Variants in GPR176 observed in about 807,000 individuals in gnomAD.
GPR176 encodes the protein G protein-coupled receptor 176.
In GPR176, 26 loss-of-function variants were observed where a neutral mutation model predicts 35.4. The observed-to-expected ratio is 0.74, with a 90% confidence interval of 0.54 to 1.02. GPR176 has a LOEUF of 1.02. GPR176 is among the 50% of genes least tolerant of loss of function. The pLI, the probability that GPR176 is intolerant of heterozygous loss-of-function variation, is 0.00. For missense variants in GPR176, 597 were observed against 665.3 expected (o/e 0.90, Z 1.13); for synonymous variants, 278 against 271.3 (o/e 1.02, Z -0.24).
intron 1 of GPR176, among the ~76,000 whole-genome samples, chr15:39,808,073 G>C (rs1459486790): frequency 2.0e-5 from 3 of 152,122 alleles, no homozygotes; most frequent in Non-Finnish European, 2.9e-5. Flanking sequence ...CTCTTACCAG[G>C]TTTTACAGAA....
intron 1 of GPR176, among the ~76,000 whole-genome samples, chr15:39,844,222 T>C (rs2030241007): frequency 1.3e-5 from 2 of 152,240 alleles, no homozygotes; most frequent in African/African-American, 4.8e-5. Flanking sequence ...GAATATTACA[T>C]GGGGTGCTTG....
chr15:39,877,649 C>T (rs952800939), intron 1 of GPR176, among the ~76,000 whole-genome samples: 2 of 151,864 alleles, frequency 1.3e-5, no homozygotes, highest in Middle Eastern at 3.4e-3. Flanking sequence ...CAACCTGCAC[C>T]TCCCGGGTGC....
chr15:39,842,391 C>T (rs1175261169), intron 1 of GPR176, among the ~76,000 whole-genome samples: 1 of 152,068 alleles, frequency 6.6e-6, no homozygotes, highest in Non-Finnish European at 1.5e-5. Flanking sequence ...CCATTAGAAA[C>T]CACCCCATGA....
chr15:39,832,688 C>CAA (rs1566944698), intron 1 of GPR176, among the ~76,000 whole-genome samples: 2 of 150,818 alleles, frequency 1.3e-5, no homozygotes, highest in African/African-American at 4.9e-5. Context: ...CACACACACA[C>CAA]AAATCTTATA....
intron 1 of GPR176, among the ~76,000 whole-genome samples, chr15:39,906,154 G>A (rs1046358637): frequency 6.6e-6 from 1 of 152,344 alleles, no homozygotes; most frequent in Middle Eastern, 3.4e-3. Context: ...TCTATCAGCG[G>A]AAGACCCTTT....
rs180836469 is a variant in GPR176, at chr15:39,804,385, A to C, written c.426-2131T>G. Among the ~76,000 whole-genome samples, 14 of 152,358 alleles carry C rather than the reference A, an allele frequency of 9.2e-5. No individual in the cohort carries two copies. The East Asian group carries it at 2.7e-3, about 29-fold the overall frequency. ...GTAATTTGCATCTGTGAATAACAAA[A>C]TAGGAATTCACCAGCCCTGTTTTCC... On this transcript the variant is annotated intron_variant, in intron 2 of 2. Coordinates refer to ENST00000561100, the MANE Select transcript of GPR176 (RefSeq NM_007223.3).
At chr15:39,834,302 C>T (rs1337544041) in intron 1 of GPR176, among the ~76,000 whole-genome samples, 1 of 152,096 alleles carries the variant, frequency 6.6e-6, no homozygotes, top group African/African-American at 2.4e-5. Context: ...ATATTATATT[C>T]CATGAAGATT....
intron 1 of GPR176, among the ~76,000 whole-genome samples, chr15:39,883,646 T>C (rs931601547): frequency 4.6e-5 from 7 of 152,188 alleles, no homozygotes; most frequent in African/African-American, 1.4e-4. Flanking sequence ...CTGCAGTTGC[T>C]AAAAGTCTGA....
intron 1 of GPR176, among the ~76,000 whole-genome samples, chr15:39,915,193 T>G (rs901799291): frequency 1.3e-5 from 2 of 152,176 alleles, no homozygotes; most frequent in African/African-American, 4.8e-5. Context: ...AGACATTTCT[T>G]TCAGTTCTAG....
At chr15:39,817,233 C>T (rs1899982133) in intron 1 of GPR176, among the ~76,000 whole-genome samples, 1 of 152,138 alleles carries the variant, frequency 6.6e-6, no homozygotes, top group Admixed American at 6.5e-5. Context: ...CACTAGAAAG[C>T]AGTGAAAGCA....
At chr15:39,915,127 A>G (rs563107963) in intron 1 of GPR176, among the ~76,000 whole-genome samples, 2 of 152,234 alleles carry the variant, frequency 1.3e-5, no homozygotes, top group Non-Finnish European at 2.9e-5. Flanking sequence ...TCATAAGTGT[A>G]TTAGTCTGCT....
At position 39,920,124 on chromosome 15, in the gene GPR176, G is replaced by T; in HGVS notation, c.-98C>A. ...GAGGAGGGACGCGCGGGCGCCTGGCGGAGTCCTGGAGAAGCCGGAGCAGCC... is the reference window on the plus strand; with the variant it reads ...GAGGAGGGACGCGCGGGCGCCTGGCTGAGTCCTGGAGAAGCCGGAGCAGCC... On this transcript the variant is annotated 5_prime_UTR_variant, in exon 1 of 3. Transcript: ENST00000561100. 1 of 814,696 alleles carries T rather than the reference G, an allele frequency of 1.2e-6. No individual in the cohort carries two copies. Among genetic ancestry groups the T allele is most frequent in the Non-Finnish European group, 1.7e-6 (1 of 597,630 alleles). 50.5% of individuals were successfully genotyped at this position (814,696 alleles called of 1,614,324 possible).
chr15:39,872,476 C>A (rs1305811935), intron 1 of GPR176, among the ~76,000 whole-genome samples: 1 of 152,186 alleles, frequency 6.6e-6, no homozygotes, highest in Non-Finnish European at 1.5e-5. Context: ...AATAGACCAA[C>A]TTTATCCTCT....
At chr15:39,806,015 C>G (rs898293203) in intron 2 of GPR176, among the ~76,000 whole-genome samples, 2 of 152,186 alleles carry the variant, frequency 1.3e-5, no homozygotes, top group Non-Finnish European at 2.9e-5. Context: ...TCCATGCAGA[C>G]AGCACCAGGC....
In GPR176 at chr15:39,835,221, T is replaced by C. The variant is rs558312170; in HGVS notation, c.173-27963A>G. Among the ~76,000 whole-genome samples the C allele has an allele frequency of 4.6e-5, 7 of 152,096 alleles. No homozygotes were observed. In the South Asian group the frequency reaches 6.2e-4, roughly 14 times the overall value. The stretch of plus-strand genomic sequence containing the variant: ...TTTTAGTAGAGATGGGGTTTCTCCA[T>C]GTTGGTCAGGCTGGTCTCGAACTCC... On this transcript the variant is annotated intron_variant, in intron 1 of 2. Transcript: ENST00000561100.
intron 1 of GPR176, among the ~76,000 whole-genome samples, chr15:39,902,809 G>A (rs2140872098): frequency 6.6e-6 from 1 of 152,296 alleles, no homozygotes; most frequent in Non-Finnish European, 1.5e-5. Context: ...AGGTGCAAAT[G>A]AGCACACAAG....
rs1022003254 is a variant in GPR176 at position 39,801,725 on chromosome 15, G to T, written c.955C>A (p.Leu319Ile). 8 of 1,613,652 alleles carry T rather than the reference G, an allele frequency of 5.0e-6. No homozygotes were observed. The highest frequency in any genetic ancestry group is 6.8e-6 in the Non-Finnish European group (8 of 1,179,750). Residue 319 changes from leucine (L) to isoleucine (I), a missense_variant, in exon 3 of 3, where the codon CTC becomes ATC. Coordinates refer to ENST00000561100, the MANE Select transcript of GPR176 (RefSeq NM_007223.3). Reference protein sequence around the residue: ...PKVSLLANPVLFLTVNKSVRK... With the variant: ...PKVSLLANPVIFLTVNKSVRK... ...ACAGATTTGTTCACAGTAAGAAAGAGAACAGGGTTTGCCAGCAGGGAGACT... is the reference window on the plus strand; with the variant it reads ...ACAGATTTGTTCACAGTAAGAAAGATAACAGGGTTTGCCAGCAGGGAGACT...
intron 1 of GPR176, among the ~76,000 whole-genome samples, chr15:39,830,707 C>T (rs1319537493): frequency 1.3e-5 from 2 of 152,158 alleles, no homozygotes; most frequent in African/African-American, 4.8e-5. Context: ...AAAATGTTCA[C>T]AAATGACATG....
intron 1 of GPR176, among the ~76,000 whole-genome samples, chr15:39,866,148 G>A (rs1381577108): frequency 3.3e-5 from 5 of 151,950 alleles, no homozygotes; most frequent in African/African-American, 1.2e-4. Context: ...TGGAAAATAA[G>A]AATATATATA....
Sources: allele counts gnomAD v4.1 joint callset (sites outside exome capture counted in the v4.1 genomes callset), GRCh38; gene constraint gnomAD v4.1.1; transcripts MANE v1.5; gene names NCBI Gene and HGNC (gene_info 2026-07-23, HGNC 2026-07-21).